SYNPR: variants seen among roughly 807,000 people sequenced by gnomAD.
The protein encoded by SYNPR is synaptoporin.
A neutral mutation model predicts 32.9 loss-of-function variants in SYNPR; 23 were observed. The ratio of observed to expected loss-of-function variants is 0.70; its 90% CI spans 0.50 to 0.99. The LOEUF (loss-of-function observed/expected upper bound fraction) is 0.99, where lower values mean the gene tolerates loss of function less well. SYNPR is among the 50% of genes least tolerant of loss of function. The pLI, the probability that SYNPR is intolerant of heterozygous loss-of-function variation, is 0.00. For synonymous variants in SYNPR, 146 were observed against 135.9 expected (o/e 1.07, Z -0.52); for missense variants, 318 against 349.3 (o/e 0.91, Z 0.71).
intron 4 of SYNPR, among the ~76,000 whole-genome samples, chr3:63,574,740 C>T (rs1291789715): frequency 6.6e-6 from 1 of 152,078 alleles, no homozygotes; most frequent in Non-Finnish European, 1.5e-5. Context: ...AACACATATA[C>T]AGAACTCAAT....
At chr3:63,223,690 A>C (rs1165165537), upstream of SYNPR, among the ~76,000 whole-genome samples, 2 of 152,204 alleles carry the variant, frequency 1.3e-5, no homozygotes, top group Non-Finnish European at 2.9e-5. Context: ...TCGCCATGTT[A>C]TATGTGCTAT....
intron 3 of SYNPR, among the ~76,000 whole-genome samples, chr3:63,537,171 G>A (rs991311226): frequency 1.3e-5 from 2 of 151,822 alleles, no homozygotes; most frequent in African/African-American, 4.8e-5. Flanking sequence ...AGGGTCAGTC[G>A]TCCTTTCTCT....
At chr3:63,595,389 C>T (rs1403467760) in intron 4 of SYNPR, among the ~76,000 whole-genome samples, 1 of 151,836 alleles carries the variant, frequency 6.6e-6, no homozygotes, top group Non-Finnish European at 1.5e-5. Flanking sequence ...GGGTCTAGAG[C>T]TCACCCAGCA....
At chr3:63,511,174 G>C (rs1216199004) in intron 3 of SYNPR, among the ~76,000 whole-genome samples, 1 of 151,778 alleles carries the variant, frequency 6.6e-6, no homozygotes, top group African/African-American at 2.4e-5. Context: ...GGCCTAGAAA[G>C]GCCTGAATGA....
chr3:63,233,568 T>A (rs1396251222), intron 1 of SYNPR, among the ~76,000 whole-genome samples: 1 of 152,224 alleles, frequency 6.6e-6, no homozygotes, highest in Non-Finnish European at 1.5e-5. Flanking sequence ...ATGCAATTGA[T>A]TCTGCATTTT....
At chr3:63,387,517 T>G (rs970043533) in intron 2 of SYNPR, among the ~76,000 whole-genome samples, 1 of 152,230 alleles carries the variant, frequency 6.6e-6, no homozygotes, top group Non-Finnish European at 1.5e-5. Flanking sequence ...CCTATGTGAT[T>G]GAAACAACTT....
At chr3:63,474,165 A>C (rs1252982699) in intron 2 of SYNPR, among the ~76,000 whole-genome samples, 1 of 152,150 alleles carries the variant, frequency 6.6e-6, no homozygotes, top group Non-Finnish European at 1.5e-5. Flanking sequence ...ATTGTCCCCC[A>C]AAAGGGCAAG....
At chr3:63,425,194 A>G (rs1258756250) in intron 2 of SYNPR, among the ~76,000 whole-genome samples, 2 of 152,246 alleles carry the variant, frequency 1.3e-5, no homozygotes, top group African/African-American at 2.4e-5. Context: ...AACTCTATCT[A>G]TAGAGTAATT....
intron 3 of SYNPR, among the ~76,000 whole-genome samples, chr3:63,522,699 G>T (rs1179363562): frequency 6.6e-6 from 1 of 150,564 alleles, no homozygotes; most frequent in Non-Finnish European, 1.5e-5. Context: ...GGAATGGGAG[G>T]CAAGGGAGTA....
intron 2 of SYNPR, among the ~76,000 whole-genome samples, chr3:63,353,918 C>T (rs1356370170): frequency 6.6e-6 from 1 of 152,116 alleles, no homozygotes; most frequent in Non-Finnish European, 1.5e-5. Flanking sequence ...TCAACTAATG[C>T]TTTAAATGTG....
intron 2 of SYNPR, among the ~76,000 whole-genome samples, chr3:63,458,423 G>A (rs1302935036): frequency 1.3e-5 from 2 of 152,094 alleles, no homozygotes; most frequent in Non-Finnish European, 2.9e-5. Flanking sequence ...TAATAAAGTG[G>A]TTGTTCTTTC....
intron 3 of SYNPR, among the ~76,000 whole-genome samples, chr3:63,537,511 T>C (rs62250765): frequency 0.057 from 8,653 of 152,244 alleles, 343 homozygotes; most frequent in Non-Finnish European, 0.088. Context: ...TTCATTAGTG[T>C]ATAAGCTTCT....
chr3:63,451,472 T>G (rs1301372800), intron 2 of SYNPR, among the ~76,000 whole-genome samples: 1 of 152,162 alleles, frequency 6.6e-6, no homozygotes, highest in African/African-American at 2.4e-5. Flanking sequence ...AAATGCAATA[T>G]GTATAAAGCC....
intron 4 of SYNPR, among the ~76,000 whole-genome samples, chr3:63,597,139 T>C (rs537253656): frequency 4.4e-4 from 67 of 152,156 alleles, no homozygotes; most frequent in Non-Finnish European, 5.9e-4. Flanking sequence ...AGCTTAAAAT[T>C]ACATATGCCG....
intron 3 of SYNPR, among the ~76,000 whole-genome samples, chr3:63,540,933 A>ACACACACACACG: frequency 9.1e-6 from 1 of 109,920 alleles, no homozygotes; most frequent in Admixed American, 1.0e-4. Flanking sequence ...CCCCCCCAAC[A>ACACACACACACG]CACACACACA....
At chr3:63,225,250 T>C (rs760736983), upstream of SYNPR, among the ~76,000 whole-genome samples, 2 of 152,206 alleles carry the variant, frequency 1.3e-5, no homozygotes, top group Non-Finnish European at 2.9e-5. Context: ...GTTTAGTATA[T>C]ACACTGTGAC....
intron 1 of SYNPR, among the ~76,000 whole-genome samples, chr3:63,244,773 A>G (rs2086272544): frequency 6.6e-6 from 1 of 152,084 alleles, no homozygotes; most frequent in South Asian, 2.1e-4. Context: ...TATGCCTAGA[A>G]GCTAATAGTG....
chr3:63,608,081 T>C (rs1251197794), intron 4 of SYNPR, among the ~76,000 whole-genome samples: 2 of 152,180 alleles, frequency 1.3e-5, no homozygotes, highest in African/African-American at 2.4e-5. Flanking sequence ...ATTTTTACAA[T>C]AGTCAAACAT....
chr3:63,587,169 G>A (rs1465166180), intron 4 of SYNPR, among the ~76,000 whole-genome samples: 1 of 151,996 alleles, frequency 6.6e-6, no homozygotes, highest in Non-Finnish European at 1.5e-5. Context: ...ATGGTCAAAT[G>A]TCATTGGCCG....
Sources: gnomAD v4.1 joint callset for allele counts (sites outside exome capture counted in the v4.1 genomes callset) on GRCh38, gnomAD v4.1.1 for gene constraint, MANE v1.5 for transcripts, NCBI Gene and HGNC (gene_info 2026-07-23, HGNC 2026-07-21) for gene names.